Variants in TRIT1 observed in about 807,000 individuals in gnomAD.
TRIT1 encodes the protein tRNA isopentenyltransferase 1.
In TRIT1, 43 loss-of-function variants were observed where a neutral mutation model predicts 51.2. The ratio of observed to expected loss-of-function variants is 0.84; its 90% CI spans 0.66 to 1.08. TRIT1 has a LOEUF of 1.08. TRIT1 is among the 50% of genes least tolerant of loss of function. TRIT1 has a pLI of 0.00. For synonymous variants in TRIT1, 184 were observed against 203.9 expected, an observed-to-expected ratio of 0.90 and a Z score of 0.83; for missense variants, 528 against 578.4, an observed-to-expected ratio of 0.91 and a Z score of 0.89.
At chr1:39,860,587 G>A (rs1643180021) in intron 1 of TRIT1, among the ~76,000 whole-genome samples, 1 of 152,128 alleles carries the variant, frequency 6.6e-6, no homozygotes, top group Non-Finnish European at 1.5e-5. Flanking sequence ...CTGTACCACA[G>A]TACATTAAAG....
chr1:39,841,949 A>T, intron 10 of TRIT1, 36 bp from the exon 11 acceptor site: 1 of 1,574,926 alleles, frequency 6.3e-7, no homozygotes. Context: ...AAACAAAAAA[A>T]CTCATTAGGA....
At chr1:39,854,496 T>TA (rs1557548259) in intron 2 of TRIT1, among the ~76,000 whole-genome samples, 1 of 152,214 alleles carries the variant, frequency 6.6e-6, no homozygotes, top group African/African-American at 2.4e-5. Context: ...TTCTTAGACT[T>TA]AGTCAGTCTC....
At chr1:39,851,779 A>C (rs544707788) in intron 4 of TRIT1, among the ~76,000 whole-genome samples, 38 of 151,822 alleles carry the variant, frequency 2.5e-4, no homozygotes, top group African/African-American at 8.7e-4. Flanking sequence ...ATCTCTAAAA[A>C]AAATTAAAAA....
intron 1 of TRIT1, among the ~76,000 whole-genome samples, chr1:39,861,100 C>T (rs373988446): frequency 4.1e-4 from 62 of 152,252 alleles, no homozygotes; most frequent in African/African-American, 1.5e-3. Flanking sequence ...ATGTACTTCA[C>T]ACTCATTATA....
At chr1:39,863,538 AG>A (rs909862562) in intron 1 of TRIT1, among the ~76,000 whole-genome samples, 2 of 152,208 alleles carry the variant, frequency 1.3e-5, no homozygotes, top group Non-Finnish European at 2.9e-5. Context: ...ATGATACAAG[AG>A]TGTATAACCA....
intron 2 of TRIT1, among the ~76,000 whole-genome samples, chr1:39,856,776 T>C (rs888467953): frequency 6.6e-6 from 1 of 152,164 alleles, no homozygotes; most frequent in African/African-American, 2.4e-5. Context: ...ATTCTAACTA[T>C]AACTCCATTA....
At chr1:39,876,552 CTATCTATA>C (rs1188968447) in intron 1 of TRIT1, among the ~76,000 whole-genome samples, 1 of 148,678 alleles carries the variant, frequency 6.7e-6, no homozygotes, top group South Asian at 2.2e-4. Flanking sequence ...ATCTATCTAT[CTATCTATA>C]TATATATATG....
chr1:39,843,747 A>G (rs1027289569), intron 10 of TRIT1, among the ~76,000 whole-genome samples: 3 of 151,852 alleles, frequency 2.0e-5, no homozygotes, highest in Non-Finnish European at 4.4e-5. Context: ...CTTCCCTTAC[A>G]CCCTTACTTC....
At chr1:39,874,812 T>C (rs1214947526) in intron 1 of TRIT1, among the ~76,000 whole-genome samples, 2 of 151,980 alleles carry the variant, frequency 1.3e-5, no homozygotes, top group African/African-American at 4.8e-5. Flanking sequence ...ATTACAGGCA[T>C]GCACCACCAT....
At chr1:39,846,392 T>C (rs1193649383) in intron 8 of TRIT1, among the ~76,000 whole-genome samples, 1 of 152,220 alleles carries the variant, frequency 6.6e-6, no homozygotes, top group East Asian at 1.9e-4. Flanking sequence ...GTCCACAAGA[T>C]AAAACTGAAG....
intron 1 of TRIT1, among the ~76,000 whole-genome samples, chr1:39,868,526 C>T (rs1213756253): frequency 2.0e-5 from 3 of 152,056 alleles, no homozygotes; most frequent in Non-Finnish European, 4.4e-5. Flanking sequence ...CACCTATAAT[C>T]CCAGCTACTC....
At chr1:39,865,190 T>A (rs1643467355) in intron 1 of TRIT1, among the ~76,000 whole-genome samples, 1 of 152,210 alleles carries the variant, frequency 6.6e-6, no homozygotes, top group African/African-American at 2.4e-5. Flanking sequence ...TCTCTCCCCT[T>A]CATAATCACT....
At chr1:39,847,690 C>A in intron 6 of TRIT1, 30 bp from the exon 7 acceptor site, 1 of 1,613,978 alleles carries the variant, frequency 6.2e-7, no homozygotes, top group Non-Finnish European at 8.5e-7. Flanking sequence ...AGCAGATAAG[C>A]CATTGCTCCT....
At chr1:39,862,984 C>T (rs747291159) in intron 1 of TRIT1, 19 of 983,616 alleles carry the variant, frequency 1.9e-5, no homozygotes, top group Admixed American at 6.2e-5. Context: ...TCTGCACAAA[C>T]CATATTTTGA....
intron 1 of TRIT1, among the ~76,000 whole-genome samples, chr1:39,877,019 CAAAA>C (rs529375001): frequency 0.023 from 1,701 of 74,566 alleles, 23 homozygotes; most frequent in East Asian, 0.14. Context: ...AATGGGTCTT[CAAAA>C]AAAAAAAAAA....
At chr1:39,870,513 T>TAAAAAAAAAAAAA (rs60334518) in intron 1 of TRIT1, among the ~76,000 whole-genome samples, 80 of 78,776 alleles carry the variant, frequency 1.0e-3, no homozygotes, top group Non-Finnish European at 1.2e-3. Flanking sequence ...CAATAAATAC[T>TAAAAAAAAAAAAA]AAAAAAAAAA....
Position 39,841,784 on chromosome 1 carries a change from G to A in TRIT1, c.1364C>T (p.Ser455Phe), listed in dbSNP as rs753273813. Residue 455 changes from serine (S) to phenylalanine (F), a missense_variant, in exon 11 of 11, where the codon TCC becomes TTC. By Grantham distance (155) the Ser-to-Phe change is radical. Around this residue, in one of 3 missense-constraint regions of TRIT1, gnomAD observed 468 missense variants for 522.6 expected, o/e 0.90. Transcript: ENST00000316891. ...CAGCTCTTGATCATTCTGCCCTGGGGATCCCTTCTCTTTAGGTTCTTTGTT... is the reference window on the plus strand; with the variant it reads ...CAGCTCTTGATCATTCTGCCCTGGGAATCCCTTCTCTTTAGGTTCTTTGTT... ...DHNKEPKEKGSPGQNDQELKC... is the reference protein window; with the variant it reads ...DHNKEPKEKGFPGQNDQELKC... 1 of 1,613,844 alleles carries A rather than the reference G, an allele frequency of 6.2e-7. No homozygotes were observed. The highest frequency in any genetic ancestry group is 8.5e-7 in the Non-Finnish European group (1 of 1,179,914).
intron 1 of TRIT1, among the ~76,000 whole-genome samples, chr1:39,873,976 T>C (rs1159420907): frequency 1.3e-5 from 2 of 151,924 alleles, no homozygotes; most frequent in South Asian, 2.1e-4. Flanking sequence ...GATCACACCA[T>C]TGCACTCCAG....
At chr1:39,869,489 A>C (rs998420052) in intron 1 of TRIT1, among the ~76,000 whole-genome samples, 1 of 152,142 alleles carries the variant, frequency 6.6e-6, no homozygotes, top group African/African-American at 2.4e-5. Flanking sequence ...TTGGCCTCCC[A>C]AAGTGCCGAG....
Sources: allele counts gnomAD v4.1 joint callset (sites outside exome capture counted in the v4.1 genomes callset), GRCh38; gene constraint gnomAD v4.1.1; regional missense constraint gnomAD v4.1.1; transcripts MANE v1.5; gene names NCBI Gene and HGNC (gene_info 2026-07-23, HGNC 2026-07-21).